The following TMTC2 variants were observed in gnomAD, a reference collection of about 807,000 sequenced individuals.
The protein encoded by TMTC2 is protein O-mannosyl-transferase TMTC2.
Under a neutral mutation model 82.4 loss-of-function variants are expected in TMTC2, and 43 were observed. The ratio of observed to expected loss-of-function variants is 0.52; its 90% CI spans 0.41 to 0.67. The LOEUF (loss-of-function observed/expected upper bound fraction) is 0.67, where lower values mean the gene tolerates loss of function less well. TMTC2 is among the 30% of genes least tolerant of loss of function. The pLI is 0.00. For synonymous variants in TMTC2, 408 were observed against 381.9 expected (o/e 1.07, Z -0.80); for missense variants, 919 against 1,012.4 (o/e 0.91, Z 1.25).
At chr12:82,799,685 C>T (rs1330078841) in intron 1 of TMTC2, among the ~76,000 whole-genome samples, 1 of 152,152 alleles carries the variant, frequency 6.6e-6, no homozygotes, top group Non-Finnish European at 1.5e-5. Flanking sequence ...CAATCTCAGC[C>T]TTCATCTTCA....
chr12:83,119,174 C>T (rs12318201), intron 11 of TMTC2, among the ~76,000 whole-genome samples: 5,377 of 151,906 alleles, frequency 0.035, 153 homozygotes, highest in South Asian at 0.1. Context: ...TTGGTTGTTT[C>T]TTCTACTGGG....
chr12:83,092,170 G>A (rs1883867585), intron 11 of TMTC2, among the ~76,000 whole-genome samples: 3 of 152,184 alleles, frequency 2.0e-5, no homozygotes, highest in Admixed American at 2.0e-4. Context: ...CTGGCCTCCA[G>A]GATGCCATTG....
At chr12:83,065,333 T>G (rs10778937) in intron 11 of TMTC2, among the ~76,000 whole-genome samples, 6 of 151,628 alleles carry the variant, frequency 4.0e-5, no homozygotes, top group Non-Finnish European at 5.9e-5. Flanking sequence ...ATTTTATATA[T>G]GAAGAATTCC....
rs749697078 is a variant in TMTC2 at position 83,132,583 on chromosome 12, C to T, written c.*194C>T. 1.7e-4 allele frequency: 99 copies of T among 585,662 alleles called. No homozygotes were observed. In the East Asian group the frequency reaches 1.8e-3, roughly 11 times the overall value. The allele number at this position is 585,662 out of a possible 1,614,324, so 36.3% of individuals were successfully genotyped here. A position where few individuals can be genotyped will look rare whatever the true frequency, so the allele number is the denominator to read the frequency against. On this transcript the variant is annotated 3_prime_UTR_variant, in exon 12 of 12. Transcript: ENST00000321196. ...CTGTTAACACCAAAAAGGGGAAAGC[C>T]GGAAACCTCCTGGAGGATGTCATTG... is the stretch of plus-strand genomic sequence containing the variant.
chr12:82,917,557 T>C (rs1464150126), intron 3 of TMTC2, among the ~76,000 whole-genome samples: 1 of 152,094 alleles, frequency 6.6e-6, no homozygotes, highest in East Asian at 1.9e-4. Context: ...AGATCACATA[T>C]GCATACACAA....
chr12:82,970,603 C>G (rs1200021), intron 7 of TMTC2, among the ~76,000 whole-genome samples: 145,180 of 151,884 alleles, frequency 0.96, 69,439 homozygotes, highest in East Asian at 1. Flanking sequence ...AAAGTGCTGG[C>G]ATTACAGGCG....
intron 11 of TMTC2, among the ~76,000 whole-genome samples, chr12:83,071,882 T>C (rs1049229824): frequency 2.0e-5 from 3 of 152,206 alleles, no homozygotes; most frequent in African/African-American, 7.2e-5. Flanking sequence ...GTGAGGTTAT[T>C]TGGATTTTCT....
chr12:82,869,015 A>G (rs17010066), intron 2 of TMTC2, among the ~76,000 whole-genome samples: 16,219 of 152,126 alleles, frequency 0.11, 1,399 homozygotes, highest in African/African-American at 0.23. Flanking sequence ...AGAATCCTAT[A>G]TCTTGGTAAC....
intron 11 of TMTC2, among the ~76,000 whole-genome samples, chr12:83,078,528 C>T (rs183799049): frequency 1.3e-5 from 2 of 152,048 alleles, no homozygotes; most frequent in Admixed American, 1.3e-4. Context: ...CAGTTTTTGT[C>T]GTATAAACAG....
intron 3 of TMTC2, among the ~76,000 whole-genome samples, chr12:82,922,648 T>C (rs1474230200): frequency 6.6e-6 from 1 of 152,224 alleles, no homozygotes. Context: ...TGATCTAACA[T>C]ATTTGATTTG....
intron 4 of TMTC2, among the ~76,000 whole-genome samples, chr12:82,931,979 T>A (rs975901849): frequency 2.6e-5 from 4 of 152,142 alleles, no homozygotes; most frequent in Admixed American, 6.6e-5. Context: ...CAGTTCTCTA[T>A]AGGAAGATGA....
rs1881527092 is a variant in TMTC2 at position 83,033,521 on chromosome 12, G to A, written c.2152+2642G>A. Among the ~76,000 whole-genome samples, 3 of 152,222 alleles carry A rather than the reference G, an allele frequency of 2.0e-5. No individual in the cohort carries two copies. The South Asian group carries it at 6.2e-4, about 32-fold the overall frequency. ...CAATCCCAGCACTTTGGGAGGCCGA[G>A]GCGGGCAGATCACTAGGTCAGGAGT... On this transcript the variant is annotated intron_variant, in intron 9 of 11. Transcript: ENST00000321196.
At chr12:82,872,185 T>G (rs1421509309) in intron 2 of TMTC2, among the ~76,000 whole-genome samples, 1 of 152,140 alleles carries the variant, frequency 6.6e-6, no homozygotes, top group Non-Finnish European at 1.5e-5. Context: ...GTCTTTTTCT[T>G]TGGCATGCCT....
At chr12:83,077,000 T>C (rs150477293) in intron 11 of TMTC2, among the ~76,000 whole-genome samples, 18 of 152,324 alleles carry the variant, frequency 1.2e-4, no homozygotes, top group Non-Finnish European at 1.8e-4. Context: ...AGAAATATTC[T>C]AAGACTTTTT....
At chr12:82,844,741 G>T (rs1248813199) in intron 1 of TMTC2, among the ~76,000 whole-genome samples, 1 of 151,508 alleles carries the variant, frequency 6.6e-6, no homozygotes, top group Non-Finnish European at 1.5e-5. Context: ...GGCGGAGCTT[G>T]CAGTGAGCCG....
intron 4 of TMTC2, among the ~76,000 whole-genome samples, chr12:82,954,822 C>G (rs1045755053): frequency 1.3e-5 from 2 of 152,162 alleles, no homozygotes; most frequent in Non-Finnish European, 1.5e-5. Flanking sequence ...CAAAGAGACA[C>G]TGACAATTTG....
At chr12:82,703,623 C>T (rs982238341) in intron 1 of TMTC2, among the ~76,000 whole-genome samples, 7 of 151,844 alleles carry the variant, frequency 4.6e-5, no homozygotes, top group Admixed American at 1.3e-4. Flanking sequence ...CTCAGCCTCC[C>T]GAGTAGCTGG....
At position 83,067,542 on chromosome 12, in the gene TMTC2, C is replaced by G. The variant is rs1035448946; in HGVS notation, c.2331+5711C>G. Among the ~76,000 whole-genome samples the G allele has an allele frequency of 1.3e-5, 2 of 151,608 alleles. 1 individual carries two copies. Among genetic ancestry groups the G allele is most frequent in the African/African-American group, 4.8e-5 (2 of 41,296 alleles). ...GACTGTGAAGATACAGAGGGGAAAACAAAACTAGAAATAGAGGGGAGGTAA... is the reference window on the plus strand; with the variant it reads ...GACTGTGAAGATACAGAGGGGAAAAGAAAACTAGAAATAGAGGGGAGGTAA... On this transcript the variant is annotated intron_variant, in intron 11 of 11. Coordinates refer to ENST00000321196, the MANE Select transcript of TMTC2 (RefSeq NM_152588.3).
chr12:82,784,091 T>C (rs1312695618), intron 1 of TMTC2, among the ~76,000 whole-genome samples: 3 of 152,058 alleles, frequency 2.0e-5, no homozygotes, highest in African/African-American at 7.2e-5. Context: ...TTTTAACCAG[T>C]TCACATCATC....
Sources: allele counts gnomAD v4.1 joint callset (sites outside exome capture counted in the v4.1 genomes callset), GRCh38; gene constraint gnomAD v4.1.1; transcripts MANE v1.5; gene names NCBI Gene and HGNC (gene_info 2026-07-23, HGNC 2026-07-21).